The following ANXA8 variants were observed in gnomAD, a reference collection of about 807,000 sequenced individuals.
The protein encoded by ANXA8 is annexin A8.
Under a neutral mutation model 26.8 loss-of-function variants are expected in ANXA8, and 9 were observed. That is an observed-to-expected ratio of 0.34 (90% CI 0.20 to 0.59). The LOEUF (loss-of-function observed/expected upper bound fraction) is 0.59. Among genes scored for constraint, ANXA8 ranks in the 20% least tolerant of loss-of-function variants. ANXA8 has a pLI of 0.84. For missense variants in ANXA8, 83 were observed against 238.5 expected, an observed-to-expected ratio of 0.35 and a Z score of 4.29; for synonymous variants, 39 against 94.8, an observed-to-expected ratio of 0.41 and a Z score of 3.42.
the ANXA8 span, among the ~76,000 whole-genome samples, chr10:47,618,454 T>G: frequency 1.7e-3 from 189 of 112,016 alleles, 57 homozygotes; most frequent in African/African-American, 6.5e-3. Context: ...CTAGATATAT[T>G]TATTTGGCAT....
the ANXA8 span, among the ~76,000 whole-genome samples, chr10:47,705,678 T>G: frequency 6.6e-6 from 1 of 151,704 alleles, no homozygotes; most frequent in Admixed American, 6.6e-5. Flanking sequence ...TTTTTACACA[T>G]ACACAGGAAT....
At chr10:47,750,378 TTA>T in the ANXA8 span, among the ~76,000 whole-genome samples, 50 of 131,870 alleles carry the variant, frequency 3.8e-4, no homozygotes, top group African/African-American at 1.3e-3. Context: ...TTGTTTATAC[TTA>T]TGTCATAAAC....
the ANXA8 span, among the ~76,000 whole-genome samples, chr10:47,680,148 C>T: frequency 2.0e-5 from 3 of 151,520 alleles, no homozygotes; most frequent in South Asian, 4.2e-4. Flanking sequence ...AGCTAATTTT[C>T]GTATTTTTAG....
At position 47,483,069 on chromosome 10, in the gene ANXA8, C is replaced by T. The variant is rs1305723583; in HGVS notation, c.21+844G>A. 1.1e-3 allele frequency among the ~76,000 whole-genome samples: 167 copies of T among 151,300 alleles called. 2 individuals carry two copies. Among genetic ancestry groups the T allele is most frequent in the Non-Finnish European group, 4.4e-4 (30 of 67,940 alleles). On this transcript the variant is annotated intron_variant, in intron 1 of 11. Coordinates refer to ENST00000585281, the MANE Select transcript of ANXA8 (RefSeq NM_001040084.3). The stretch of plus-strand genomic sequence containing the variant: ...CAGCCGGGAGATGTCACCTCTGTCC[C>T]CTTCTGGATATTCAACTCCTTAGCA...
chr10:47,580,762 AAAAC>A, the ANXA8 span, among the ~76,000 whole-genome samples: 26 of 138,084 alleles, frequency 1.9e-4, no homozygotes, highest in African/African-American at 7.6e-4. Context: ...ACAAAAAAAA[AAAAC>A]AAAAACAAAA....
At chr10:47,676,718 G>T in the ANXA8 span, among the ~76,000 whole-genome samples, 3 of 151,346 alleles carry the variant, frequency 2.0e-5, no homozygotes, top group African/African-American at 7.4e-5. Context: ...AAGAGGTCGA[G>T]ACCATCCTGG....
At chr10:47,565,810 T>A in the ANXA8 span, 5 of 1,155,842 alleles carry the variant, frequency 4.3e-6, no homozygotes, top group Middle Eastern at 3.2e-4. Flanking sequence ...TGCAGCGACC[T>A]GCCACGGCGG....
chr10:47,941,367 A>C, the ANXA8 span, among the ~76,000 whole-genome samples: 1 of 146,612 alleles, frequency 6.8e-6, no homozygotes, highest in Non-Finnish European at 1.5e-5. Context: ...TAAAGCTGGC[A>C]TTTTCAGCTG....
At chr10:47,676,805 C>A in the ANXA8 span, among the ~76,000 whole-genome samples, 1 of 147,812 alleles carries the variant, frequency 6.8e-6, no homozygotes, top group Non-Finnish European at 1.5e-5. Context: ...GTAGTCCCAG[C>A]TACTCGGGAG....
the ANXA8 span, among the ~76,000 whole-genome samples, chr10:47,522,296 A>G: frequency 4.8e-5 from 7 of 145,934 alleles, no homozygotes; most frequent in Admixed American, 4.8e-4. Flanking sequence ...TAGAACAAGG[A>G]GGTAAATAAA....
the ANXA8 span, among the ~76,000 whole-genome samples, chr10:47,669,787 A>G: frequency 2.0e-5 from 3 of 152,114 alleles, no homozygotes; most frequent in Non-Finnish European, 4.4e-5. Flanking sequence ...ATGAAGTTAA[A>G]TATATGTATG....
At chr10:47,734,982 T>C in the ANXA8 span, among the ~76,000 whole-genome samples, 20 of 123,940 alleles carry the variant, frequency 1.6e-4, 1 homozygote, top group Admixed American at 3.1e-4. Flanking sequence ...TCACGCCAGT[T>C]CAACTCTAGC....
the ANXA8 span, among the ~76,000 whole-genome samples, chr10:47,658,140 C>T: frequency 3.4e-4 from 52 of 151,928 alleles, 1 homozygote; most frequent in Middle Eastern, 6.8e-3. Flanking sequence ...GAGGCTGAGG[C>T]GGGTGGATCA....
At chr10:47,556,666 A>C in the ANXA8 span, among the ~76,000 whole-genome samples, 1 of 151,928 alleles carries the variant, frequency 6.6e-6, no homozygotes, top group Admixed American at 6.6e-5. Context: ...ATACACTTAG[A>C]GAAGACTGGG....
the ANXA8 span, among the ~76,000 whole-genome samples, chr10:47,769,342 C>T: frequency 4.7e-5 from 7 of 150,404 alleles, no homozygotes; most frequent in Admixed American, 3.3e-4. Context: ...AAGTCTGCTA[C>T]GGGCAGTGAG....
the ANXA8 span, among the ~76,000 whole-genome samples, chr10:47,520,769 G>GA: frequency 1.0e-5 from 1 of 97,588 alleles, no homozygotes; most frequent in Non-Finnish European, 1.9e-5. Context: ...GCTGAGATGG[G>GA]AAAATCACTT....
chr10:47,653,333 C>CA, the ANXA8 span, among the ~76,000 whole-genome samples: 61 of 150,142 alleles, frequency 4.1e-4, no homozygotes, highest in Admixed American at 3.6e-3. Flanking sequence ...AACAAACAAA[C>CA]AAAAAACCAG....
the ANXA8 span, among the ~76,000 whole-genome samples, chr10:47,617,644 G>A: frequency 6.7e-6 from 1 of 148,256 alleles, no homozygotes; most frequent in East Asian, 1.9e-4. Flanking sequence ...AGCTATCGCA[G>A]TTAAACTGCC....
At chr10:47,940,000 C>A in the ANXA8 span, among the ~76,000 whole-genome samples, 1 of 146,638 alleles carries the variant, frequency 6.8e-6, no homozygotes, top group African/African-American at 2.5e-5. Flanking sequence ...TCCACAGACT[C>A]CTTATTTTTG....
Sources: allele counts gnomAD v4.1 joint callset (sites outside exome capture counted in the v4.1 genomes callset), GRCh38; gene constraint gnomAD v4.1.1; transcripts MANE v1.5; gene names NCBI Gene and HGNC (gene_info 2026-07-23, HGNC 2026-07-21).